Variants in GRM8 observed in about 807,000 individuals in gnomAD.
GRM8 encodes glutamate metabotropic receptor 8, also known as metabotropic glutamate receptor 8.
A neutral mutation model predicts 87.2 loss-of-function variants in GRM8; 47 were observed. The observed-to-expected ratio is 0.54, with a 90% CI of 0.43 to 0.69. The LOEUF is 0.69. Among genes scored for constraint, GRM8 ranks in the 30% least tolerant of loss-of-function variants. The pLI, the probability that GRM8 is intolerant of heterozygous loss-of-function variation, is 0.00. For missense variants in GRM8, 1,019 were observed against 1,139.2 expected (o/e 0.89, Z 1.52); for synonymous variants, 396 against 404.5 (o/e 0.98, Z 0.25).
intron 7 of GRM8, among the ~76,000 whole-genome samples, chr7:126,646,374 C>T (rs1180655844): frequency 1.3e-5 from 2 of 152,016 alleles, no homozygotes; most frequent in African/African-American, 2.4e-5. Flanking sequence ...CAGCTACCAC[C>T]GTATCTTTCT....
At chr7:127,030,084 A>G (rs1188931112) in intron 3 of GRM8, among the ~76,000 whole-genome samples, 1 of 152,052 alleles carries the variant, frequency 6.6e-6, no homozygotes. Context: ...TTCTGAAGGC[A>G]GCACCCTCTC....
intron 6 of GRM8, among the ~76,000 whole-genome samples, chr7:126,874,540 T>C (rs922837640): frequency 6.6e-5 from 10 of 152,208 alleles, no homozygotes; most frequent in South Asian, 2.1e-4. Flanking sequence ...GATGCCATAC[T>C]GACATTTTAC....
chr7:126,853,670 T>C (rs1480298866), intron 6 of GRM8, among the ~76,000 whole-genome samples: 1 of 152,180 alleles, frequency 6.6e-6, no homozygotes, highest in Admixed American at 6.5e-5. Context: ...GACTTTACTA[T>C]AAGGATACAG....
intron 7 of GRM8, among the ~76,000 whole-genome samples, chr7:126,626,304 C>T (rs1800685229): frequency 1.3e-5 from 2 of 151,928 alleles, no homozygotes; most frequent in Admixed American, 6.6e-5. Flanking sequence ...TCTTTTGTAC[C>T]CCCAAGTCTA....
intron 3 of GRM8, among the ~76,000 whole-genome samples, chr7:127,073,124 C>A (rs966613525): frequency 5.3e-5 from 8 of 152,152 alleles, no homozygotes; most frequent in Admixed American, 1.3e-4. Flanking sequence ...AAGGCAGGAA[C>A]AAACACCACC....
At chr7:127,013,226 A>G (rs944283773) in intron 3 of GRM8, among the ~76,000 whole-genome samples, 5 of 152,186 alleles carry the variant, frequency 3.3e-5, no homozygotes, top group Admixed American at 6.5e-5. Context: ...AGAGGCGGCC[A>G]GTTTCAAGTG....
intron 8 of GRM8, among the ~76,000 whole-genome samples, chr7:126,568,885 G>T (rs1397995477): frequency 6.6e-6 from 1 of 152,044 alleles, no homozygotes; most frequent in Non-Finnish European, 1.5e-5. Context: ...ATCTAGCCAA[G>T]ATGAAACGTA....
chr7:126,963,860 C>A (rs931792282), intron 3 of GRM8, among the ~76,000 whole-genome samples: 2 of 152,144 alleles, frequency 1.3e-5, no homozygotes, highest in Non-Finnish European at 2.9e-5. Context: ...ATAGCCAAGA[C>A]AATCCAAAGC....
chr7:126,833,006 G>A (rs149860512), intron 6 of GRM8, among the ~76,000 whole-genome samples: 6 of 152,320 alleles, frequency 3.9e-5, no homozygotes, highest in East Asian at 3.9e-4. Context: ...ATTTTAATGT[G>A]TACTGGGAGG....
chr7:126,955,975 G>T (rs575019548), intron 3 of GRM8, among the ~76,000 whole-genome samples: 1 of 152,160 alleles, frequency 6.6e-6, no homozygotes, highest in Admixed American at 6.5e-5. Context: ...GAACTTGGAT[G>T]GTCAAGTTCA....
chr7:126,881,400 C>T (rs1397081510), intron 6 of GRM8, among the ~76,000 whole-genome samples: 2 of 152,170 alleles, frequency 1.3e-5, no homozygotes, highest in South Asian at 4.1e-4. Context: ...CGCACAGGAC[C>T]GAAGTAGGAC....
At chr7:126,661,508 C>G (rs1235730014) in intron 7 of GRM8, among the ~76,000 whole-genome samples, 1 of 152,126 alleles carries the variant, frequency 6.6e-6, no homozygotes, top group Non-Finnish European at 1.5e-5. Flanking sequence ...GCCCTGGGAC[C>G]CTCAGGACTC....
chr7:126,448,600 C>T (rs1802277719), intron 9 of GRM8, among the ~76,000 whole-genome samples: 1 of 151,866 alleles, frequency 6.6e-6, no homozygotes, highest in Non-Finnish European at 1.5e-5. Flanking sequence ...GTAATAAACA[C>T]AGATATTAGA....
chr7:126,914,317 G>T (rs1803634389), intron 3 of GRM8, among the ~76,000 whole-genome samples: 1 of 152,178 alleles, frequency 6.6e-6, no homozygotes, highest in Admixed American at 6.5e-5. Flanking sequence ...ACACACTGTT[G>T]GTGGGAATGT....
At chr7:126,749,934 C>T (rs1273108734) in intron 7 of GRM8, among the ~76,000 whole-genome samples, 6 of 152,174 alleles carry the variant, frequency 3.9e-5, no homozygotes, top group Non-Finnish European at 8.8e-5. Context: ...GTTTGTCAGT[C>T]TCTCGTACAG....
chr7:126,854,878 C>G (rs1168519840), intron 6 of GRM8, among the ~76,000 whole-genome samples: 1 of 152,152 alleles, frequency 6.6e-6, no homozygotes, highest in Non-Finnish European at 1.5e-5. Context: ...TGGTGAACAG[C>G]AACAATTTTG....
At chr7:126,567,147 T>A (rs1794286682) in intron 8 of GRM8, among the ~76,000 whole-genome samples, 1 of 152,128 alleles carries the variant, frequency 6.6e-6, no homozygotes, top group East Asian at 1.9e-4. Context: ...GCAAGATGAA[T>A]AAGCTCTAGA....
chr7:126,457,726 C>G (rs1803413783), intron 9 of GRM8, among the ~76,000 whole-genome samples: 1 of 150,184 alleles, frequency 6.7e-6, no homozygotes, highest in Non-Finnish European at 1.5e-5. Context: ...GATTATTCAT[C>G]TCAAAAAACT....
intron 9 of GRM8, among the ~76,000 whole-genome samples, chr7:126,458,067 G>C (rs1803460056): frequency 6.8e-6 from 1 of 146,244 alleles, no homozygotes; most frequent in Admixed American, 6.8e-5. Flanking sequence ...GAGCAACTTA[G>C]AAAAAAATGA....
Sources: allele counts gnomAD v4.1 joint callset (sites outside exome capture counted in the v4.1 genomes callset), GRCh38; gene constraint gnomAD v4.1.1; transcripts MANE v1.5; gene names NCBI Gene and HGNC (gene_info 2026-07-23, HGNC 2026-07-21).